ATF3: variants seen among roughly 807,000 people sequenced by gnomAD.
ATF3 encodes activating transcription factor 3.
ATF3 carries 10 observed loss-of-function variants against 18.4 expected under a neutral mutation model. The ratio of observed to expected loss-of-function variants is 0.54; its 90% confidence interval spans 0.34 to 0.92. The LOEUF is 0.92. ATF3 is among the 40% of genes least tolerant of loss of function. The probability of loss-of-function intolerance (pLI) is 0.02; values close to 1 mark genes in which losing one functional copy is unlikely to be tolerated. For synonymous variants in ATF3, 78 were observed against 87.9 expected (o/e 0.89, Z 0.63); for missense variants, 183 against 222.3 (o/e 0.82, Z 1.12).
chr1:212,608,694 C>T (rs1404811191), upstream of ATF3: 1 of 152,398 alleles, frequency 6.6e-6, no homozygotes, highest in East Asian at 1.9e-4. Flanking sequence ...GGACTGGCAA[C>T]ACGGAGTAAA....
At chr1:212,596,531 C>T (rs1024492955) in intron 1 of ATF3, among the ~76,000 whole-genome samples, 3 of 152,186 alleles carry the variant, frequency 2.0e-5, no homozygotes, top group African/African-American at 7.2e-5. Flanking sequence ...GTGGAACATT[C>T]GTTTCATTTT....
rs1571799251 is a variant in ATF3, at chr1:212,619,260, G to T, written c.349-98G>T. On this transcript the variant is annotated intron_variant, in intron 3 of 3. Coordinates refer to ENST00000341491, the MANE Select transcript of ATF3 (RefSeq NM_001674.4). The surrounding 1 kb of genome is among the most constrained non-coding windows in gnomAD (Gnocchi z 4.4). The stretch of plus-strand genomic sequence containing the variant: ...CTCGCAGCTTGATGAGCCCCGGTGT[G>T]TCCCAGGTACACCCCTGCATCCAGG... 1.2e-6 allele frequency: 2 copies of T among 1,611,182 alleles called. No individual in the cohort carries two copies. Among genetic ancestry groups the T allele is most frequent in the South Asian group, 1.1e-5 (1 of 90,440 alleles).
At chr1:212,617,821 T>G (rs976169101) in intron 2 of ATF3, among the ~76,000 whole-genome samples, 3 of 152,234 alleles carry the variant, frequency 2.0e-5, no homozygotes, top group Non-Finnish European at 4.4e-5. Context: ...AGTTATCAAT[T>G]TGCATATTAT....
rs868645880 is a variant in ATF3 at position 212,570,693 on chromosome 1, A to G, written c.-5+5210A>G. Among the ~76,000 whole-genome samples the G allele has an allele frequency of 1.2e-4, 18 of 152,072 alleles. No individual in the cohort carries two copies. The South Asian group carries it at 1.9e-3, about 16-fold the overall frequency. ...TCATCATTAGTTTGGTCTGTTTTTG[A>G]CCTTTATATGGAATGGAGTCACACA... On this transcript the variant is annotated intron_variant, in intron 1 of 3. Coordinates refer to the ATF3 transcript ENST00000366981.
At chr1:212,572,672 A>C (rs1664506416) in intron 1 of ATF3, among the ~76,000 whole-genome samples, 1 of 152,256 alleles carries the variant, frequency 6.6e-6, no homozygotes, top group Non-Finnish European at 1.5e-5. Context: ...TTTGCAAAGC[A>C]CTGACTTCGT....
upstream of ATF3, among the ~76,000 whole-genome samples, chr1:212,605,391 TA>T (rs1654594104): frequency 6.6e-6 from 1 of 152,174 alleles, no homozygotes; most frequent in Non-Finnish European, 1.5e-5. Flanking sequence ...GGAAACAGAA[TA>T]AAGTATAAGA....
chr1:212,592,763 G>T (rs1461863098), intron 1 of ATF3, among the ~76,000 whole-genome samples: 1 of 152,024 alleles, frequency 6.6e-6, no homozygotes, highest in Non-Finnish European at 1.5e-5. Context: ...AGAGGCCCTT[G>T]TATCTGATGG....
chr1:212,604,998 C>T (rs986297549), upstream of ATF3, among the ~76,000 whole-genome samples: 1 of 152,062 alleles, frequency 6.6e-6, no homozygotes, highest in Non-Finnish European at 1.5e-5. Flanking sequence ...TCCTGGAGAT[C>T]GCTTGACTTC....
At chr1:212,616,288 C>G (rs1655122892) in intron 2 of ATF3, among the ~76,000 whole-genome samples, 2 of 148,558 alleles carry the variant, frequency 1.3e-5, no homozygotes, top group East Asian at 2.1e-4. Context: ...CACACACACA[C>G]AGATACACAC....
At chr1:212,575,722 G>A (rs953944673) in intron 1 of ATF3, among the ~76,000 whole-genome samples, 2 of 152,022 alleles carry the variant, frequency 1.3e-5, no homozygotes, top group Admixed American at 6.5e-5. Context: ...TTAAAACCAC[G>A]AATGAATGCT....
intron 1 of ATF3, among the ~76,000 whole-genome samples, chr1:212,569,172 G>A (rs75253824): frequency 2.0e-5 from 3 of 150,962 alleles, no homozygotes; most frequent in Admixed American, 1.3e-4. Context: ...CTCTCCCTCC[G>A]TCTTTTTCCT....
rs555871258 is a variant in ATF3, at chr1:212,618,430, A to G, written c.348+196A>G. 1.9e-5 allele frequency: 12 copies of G among 637,642 alleles called. No homozygotes were observed. Among genetic ancestry groups the G allele is most frequent in the South Asian group, 1.5e-4 (9 of 58,876 alleles). 39.5% of individuals were successfully genotyped at this position (637,642 alleles called of 1,614,324 possible). On this transcript the variant is annotated intron_variant, in intron 3 of 3. Transcript: ENST00000341491. The surrounding 1 kb of genome is among the most constrained non-coding windows in gnomAD (Gnocchi z 4.4). ...GTTAACACAATGGATGTGACGGTGG[A>G]TGTATAAAAACAGGTGTGTGAATTC... is the stretch of plus-strand genomic sequence containing the variant.
At chr1:212,595,309 C>T (rs1441733895) in intron 1 of ATF3, among the ~76,000 whole-genome samples, 1 of 151,654 alleles carries the variant, frequency 6.6e-6, no homozygotes, top group Non-Finnish European at 1.5e-5. Context: ...GGCTGCCACC[C>T]AGCTTGATAT....
At chr1:212,584,503 C>A (rs1395655926) in intron 1 of ATF3, among the ~76,000 whole-genome samples, 1 of 152,172 alleles carries the variant, frequency 6.6e-6, no homozygotes, top group East Asian at 1.9e-4. Context: ...GATGTCCCAG[C>A]TCAAAGGCAG....
chr1:212,603,230 C>G (rs190355678), intron 1 of ATF3, among the ~76,000 whole-genome samples: 30 of 152,306 alleles, frequency 2.0e-4, no homozygotes, highest in East Asian at 5.8e-4. Context: ...CCTGAAGGCA[C>G]AGGGAGAAGC....
chr1:212,567,066 T>C (rs1400515216), intron 1 of ATF3, among the ~76,000 whole-genome samples: 3 of 152,208 alleles, frequency 2.0e-5, no homozygotes, highest in African/African-American at 7.2e-5. Context: ...GAAAGCGAAA[T>C]TGGCCACTTC....
chr1:212,583,649 CGGAACAAA>C (rs932980111), intron 1 of ATF3, among the ~76,000 whole-genome samples: 5 of 152,184 alleles, frequency 3.3e-5, no homozygotes, highest in African/African-American at 1.2e-4. Flanking sequence ...CGACCACTGT[CGGAACAAA>C]ACCCTGGAAC....
intron 1 of ATF3, among the ~76,000 whole-genome samples, chr1:212,578,584 G>GT (rs1664624695): frequency 1.3e-5 from 2 of 151,952 alleles, no homozygotes; most frequent in African/African-American, 4.8e-5. Flanking sequence ...CATTTCTGAG[G>GT]TTTTTTTTAG....
chr1:212,565,650 A>G (rs570514574), intron 1 of ATF3, among the ~76,000 whole-genome samples: 2 of 152,234 alleles, frequency 1.3e-5, no homozygotes, highest in East Asian at 3.9e-4. Flanking sequence ...TGCATATGGT[A>G]CCCAATGAAG....
Sources: gnomAD v4.1 joint callset for allele counts (sites outside exome capture counted in the v4.1 genomes callset) on GRCh38, gnomAD v4.1.1 for gene constraint, Gnocchi (gnomAD v3.1) non-coding constraint, MANE v1.5 for transcripts, NCBI Gene and HGNC (gene_info 2026-07-23, HGNC 2026-07-21) for gene names.